Variants in WBP11 observed in about 807,000 individuals in gnomAD.
The protein encoded by WBP11 is WW domain binding protein 11.
In WBP11, 12 loss-of-function variants were observed where a neutral mutation model predicts 66.7. That is an observed-to-expected ratio of 0.18 (90% CI 0.12 to 0.29). WBP11 has a LOEUF of 0.29. Among genes scored for constraint, WBP11 ranks in the 10% least tolerant of loss-of-function variants. The pLI is 1.00. For missense variants in WBP11, 555 were observed against 818.3 expected (o/e 0.68, Z 3.93); for synonymous variants, 255 against 273.8 (o/e 0.93, Z 0.68).
Position 14,794,687 on chromosome 12 carries a change from G to A in WBP11, c.571C>T (p.Pro191Ser). The A allele has an allele frequency of 1.2e-6, 2 of 1,605,922 alleles. No homozygotes were observed. Among genetic ancestry groups the A allele is most frequent in the Non-Finnish European group, 1.7e-6 (2 of 1,176,172 alleles). The change falls in exon 7 of 12, where the codon CCA (proline) becomes TCA (serine). Residue 191 changes from proline (P) to serine (S), a missense_variant. Physicochemically the swap from Pro to Ser is moderately conservative, Grantham distance 74 (BLOSUM62 -1). Coordinates refer to ENST00000261167, the MANE Select transcript of WBP11 (RefSeq NM_016312.3). The stretch of plus-strand genomic sequence containing the variant: ...GGTTTTCTGCCAGGGGGCAAACGTG[G>A]AACACCATGTCCAAGAAGAGGAAGG... ...SILPLLGHGVPRLPPGRKPPG... is the reference protein window; with the variant it reads ...SILPLLGHGVSRLPPGRKPPG...
At chr12:14,793,954 GTA>G in intron 7 of WBP11, 32 bp from the exon 8 acceptor site, 1 of 1,513,674 alleles carries the variant, frequency 6.6e-7, no homozygotes. Flanking sequence ...TGGAGAAGTA[GTA>G]TGATTGGACC....
At position 14,796,770 on chromosome 12, in the gene WBP11, ATTTTAG is replaced by A; in HGVS notation, c.387+31_387+36del. ...ATAAGGGATACTCAATCTGTATAAT[ATTTTAG>A]TTTATCTCTCAAAAAAAAAACCTTG... On this transcript the variant is annotated intron_variant, in intron 5 of 11. Coordinates refer to ENST00000261167, the MANE Select transcript of WBP11 (RefSeq NM_016312.3). This position sits in a 1 kb window ranked among gnomAD's most constrained non-coding sequence, Gnocchi z 4.5. 1 of 1,560,812 alleles carries A rather than the reference ATTTTAG, an allele frequency of 6.4e-7. No homozygotes were observed. The highest frequency in any genetic ancestry group is 8.6e-7 in the Non-Finnish European group (1 of 1,160,440).
chr12:14,803,012 TGGGATA>T (rs1163041299), intron 1 of WBP11, among the ~76,000 whole-genome samples: 1 of 152,160 alleles, frequency 6.6e-6, no homozygotes, highest in Non-Finnish European at 1.5e-5. Flanking sequence ...GAAGCTTCAA[TGGGATA>T]GGGTCCAGGT....
intron 10 of WBP11, among the ~76,000 whole-genome samples, chr12:14,789,389 C>G (rs1308380864): frequency 6.6e-6 from 1 of 151,552 alleles, no homozygotes; most frequent in Non-Finnish European, 1.5e-5. Flanking sequence ...TCAAGACCAT[C>G]CTGGCCAAGA....
At chr12:14,788,889 G>C (rs1949787396) in intron 11 of WBP11, 62 bp downstream of exon 11, 1 of 916,712 alleles carries the variant, frequency 1.1e-6, no homozygotes, top group South Asian at 2.2e-5. Flanking sequence ...GTGACCATAT[G>C]TCTTAGAGCA....
Position 14,796,689 on chromosome 12 carries a change from A to AT in WBP11, c.387+117dup, listed in dbSNP as rs1467268616. 1.3e-5 allele frequency: 12 copies of AT among 936,402 alleles called. No homozygotes were observed. Among genetic ancestry groups the AT allele is most frequent in the African/African-American group, 1.7e-5 (1 of 57,372 alleles). 58.0% of individuals were successfully genotyped at this position (936,402 alleles called of 1,614,324 possible). A position where few individuals can be genotyped will look rare whatever the true frequency, so the allele number is the denominator to read the frequency against. ...AATATACACAAAAACAAAACAAAAT[A>AT]TAAAAAAAACCCAACAACCCTAAAT... On this transcript the variant is annotated intron_variant, in intron 5 of 11. Transcript: ENST00000261167. This position sits in a 1 kb window ranked among gnomAD's most constrained non-coding sequence, Gnocchi z 4.5.
Position 14,801,442 on chromosome 12 carries a change from G to T in WBP11, c.-45-14C>A. The T allele has an allele frequency of 6.5e-7, 1 of 1,534,180 alleles. No individual in the cohort carries two copies. Among genetic ancestry groups the T allele is most frequent in the South Asian group, 1.1e-5 (1 of 89,236 alleles). ...AAAAAGAAAAACCTGTGAAGGTGAA[G>T]ACAAAGAAATAGCTTATATCTCCTA... is the stretch of plus-strand genomic sequence containing the variant. On this transcript the variant is annotated splice_polypyrimidine_tract_variant and intron_variant, in intron 1 of 11. Transcript: ENST00000261167.
At position 14,795,077 on chromosome 12, in the gene WBP11, T is replaced by C. The variant is rs775605237; in HGVS notation, c.415A>G (p.Ile139Val). 1 of 1,612,536 alleles carries C rather than the reference T, an allele frequency of 6.2e-7. No homozygotes were observed. Among genetic ancestry groups the C allele is most frequent in the South Asian group, 1.1e-5 (1 of 90,844 alleles). Residue 139 changes from isoleucine to valine, a missense_variant, in exon 6 of 12, where the codon ATT becomes GTT. Around this residue, in one of 6 missense-constraint regions of WBP11, gnomAD observed 220 missense variants for 268.2 expected, o/e 0.82. Coordinates refer to ENST00000261167, the MANE Select transcript of WBP11 (RefSeq NM_016312.3). ...KNAQHVEVES[I>V]PLPDMPHAPS... ...GCATGTGGCATATCTGGCAAAGGAA[T>C]ACTCTCCACTTCCACATGCTGAGCA...
chr12:14,794,746 AAAAAAAC>A lies in WBP11; in HGVS notation c.522-17_522-11del. Reference sequence around the variant, plus strand: ...TGCCCGAGTTGGAGGTCTGTTAAAAAAAAAAACAAAAACAAAAAAACCCCCACAGTAA... The same window carrying A: ...TGCCCGAGTTGGAGGTCTGTTAAAAAAAAAACAAAAAAACCCCCACAGTAA... On this transcript the variant is annotated splice_polypyrimidine_tract_variant and intron_variant, in intron 6 of 11. Coordinates refer to ENST00000261167, the MANE Select transcript of WBP11 (RefSeq NM_016312.3). The A allele has an allele frequency of 6.5e-7, 1 of 1,538,576 alleles. No individual in the cohort carries two copies. The highest frequency in any genetic ancestry group is 8.7e-7 in the Non-Finnish European group (1 of 1,148,512).
At chr12:14,802,723 G>C (rs1949980810) in intron 1 of WBP11, among the ~76,000 whole-genome samples, 1 of 152,040 alleles carries the variant, frequency 6.6e-6, no homozygotes, top group Non-Finnish European at 1.5e-5. Flanking sequence ...GAGAGCAGCA[G>C]GGAGTAGGAG....
chr12:14,790,933 T>C (rs1211309193), intron 9 of WBP11, among the ~76,000 whole-genome samples, 184 bp from the exon 10 acceptor site: 1 of 152,212 alleles, frequency 6.6e-6, no homozygotes, highest in Non-Finnish European at 1.5e-5. Context: ...TAATGCAGCA[T>C]AGTGGAATGA....
At chr12:14,802,989 C>CTA (rs1949986459) in intron 1 of WBP11, among the ~76,000 whole-genome samples, 1 of 152,294 alleles carries the variant, frequency 6.6e-6, no homozygotes, top group African/African-American at 2.4e-5. Flanking sequence ...TTGGATAACT[C>CTA]TAAACAGCCA....
At chr12:14,789,359 T>C (rs1949794636) in intron 10 of WBP11, among the ~76,000 whole-genome samples, 1 of 151,362 alleles carries the variant, frequency 6.6e-6, no homozygotes, top group African/African-American at 2.4e-5. Flanking sequence ...CTGAAGTGGG[T>C]GGATCACAAG....
rs1170751040 is a variant in WBP11, at chr12:14,789,021, T to C, written c.1422A>G (p.Pro474=). 3 of 1,483,926 alleles carry C rather than the reference T, an allele frequency of 2.0e-6. No homozygotes were observed. The highest frequency in any genetic ancestry group is 1.4e-5 in the South Asian group (1 of 69,796). 91.9% of individuals were successfully genotyped at this position (1,483,926 alleles called of 1,614,324 possible). Residue 474 remains proline (P), a synonymous_variant, in exon 11 of 12, where the codon CCA becomes CCG. Transcript: ENST00000261167. ...PGRPPGPPPG[P]PPGLPPGPPP... ...GGGGACCAGGAGGCAGACCTGGAGG[T>C]GGACCTGGGGGAGGGCCAGGGGGTC...
intron 6 of WBP11, 98 bp from the exon 7 acceptor site, chr12:14,794,834 T>C: frequency 5.8e-6 from 9 of 1,546,178 alleles, no homozygotes; most frequent in Non-Finnish European, 7.0e-6. Context: ...TCAAGGGATT[T>C]CTTATTTTAC....
rs1949902062 is a variant in WBP11 at position 14,797,080 on chromosome 12, AC to A, written c.191-78del. Reference sequence around the variant, plus strand: ...GGTATCAATAGGTTACATGATAAAAACCTCCATATATGCTAAAAAATTTTTA... The same window carrying A: ...GGTATCAATAGGTTACATGATAAAAACTCCATATATGCTAAAAAATTTTTA... On this transcript the variant is annotated intron_variant, in intron 4 of 11. Coordinates refer to ENST00000261167, the MANE Select transcript of WBP11 (RefSeq NM_016312.3). 9 of 1,257,798 alleles carry A rather than the reference AC, an allele frequency of 7.2e-6. No individual in the cohort carries two copies. The South Asian group carries it at 1.0e-4, about 14-fold the overall frequency. 77.9% of individuals were successfully genotyped at this position (1,257,798 alleles called of 1,614,324 possible).
rs1449895420 is a variant in WBP11 at position 14,793,821 on chromosome 12, CACTGTCATCAGT to C, written c.811_822del (p.Thr271_Ser274del). On this transcript the variant is annotated inframe_deletion, in exon 8 of 12. Coordinates refer to ENST00000261167, the MANE Select transcript of WBP11 (RefSeq NM_016312.3). ...CTTTCTCCATCTGATTTGTCGGTGT[CACTGTCATCAGT>C]ACTGTCATCATGCTTATCTTGATCC... 1.2e-6 allele frequency: 2 copies of C among 1,613,932 alleles called. No homozygotes were observed. The highest frequency in any genetic ancestry group is 1.7e-6 in the Non-Finnish European group (2 of 1,179,984).
At chr12:14,800,810 T>C (rs772831460) in intron 2 of WBP11, 27 bp from the exon 3 acceptor site, 2 of 1,577,702 alleles carry the variant, frequency 1.3e-6, no homozygotes, top group Non-Finnish European at 1.7e-6. Context: ...GGAGATATAA[T>C]AAAATCTTTG....
At chr12:14,798,078 TCTC>T (rs1949913485) in intron 4 of WBP11, among the ~76,000 whole-genome samples, 1 of 152,202 alleles carries the variant, frequency 6.6e-6, no homozygotes, top group African/African-American at 2.4e-5. Flanking sequence ...TGAATAGTAT[TCTC>T]TTCACCCCTT....
Sources: gnomAD v4.1 joint callset for allele counts (sites outside exome capture counted in the v4.1 genomes callset) on GRCh38, gnomAD v4.1.1 for gene constraint, gnomAD v4.1.1 regional missense constraint, Gnocchi (gnomAD v3.1) non-coding constraint, MANE v1.5 for transcripts, NCBI Gene and HGNC (gene_info 2026-07-23, HGNC 2026-07-21) for gene names.